The following SPTBN2 variants were observed in gnomAD, a reference collection of about 807,000 sequenced individuals.
SPTBN2 encodes spectrin beta chain, non-erythrocytic 2.
SPTBN2 carries 107 observed loss-of-function variants against 284.2 expected under a neutral mutation model. The observed-to-expected ratio is 0.38, with a 90% CI of 0.32 to 0.44. The LOEUF is 0.44. Ranked by LOEUF, SPTBN2 falls within the 20% of genes least tolerant of loss-of-function variation. The pLI is 1.00. For synonymous variants in SPTBN2, 1,289 were observed against 1,354.8 expected (o/e 0.95, Z 1.07); for missense variants, 2,569 against 3,287.1 (o/e 0.78, Z 5.34).
chr11:66,693,227 C>A lies in SPTBN2; in HGVS notation c.4813G>T (p.Gly1605Cys), dbSNP rs1285838836. The A allele has an allele frequency of 6.2e-7, 1 of 1,614,250 alleles. No individual in the cohort carries two copies. The highest frequency in any genetic ancestry group is 8.5e-7 in the Non-Finnish European group (1 of 1,180,054). ...RDAAEAEAWM[G>C]EQELHMMGQE... ...CCCATCATGTGTAATTCCTGCTCGC[C>A]CATCCAGGCCTCCGCCTCGGCGGCA... The change falls in exon 24 of 38, where the codon GGC becomes TGC. Residue 1605 changes from glycine (G) to cysteine (C), a missense_variant. Physicochemically the swap from Gly to Cys is radical, Grantham distance 159 (BLOSUM62 -3). This residue lies in a region of SPTBN2 where 1,130 missense variants were observed against 1,317.3 expected (regional missense o/e 0.86). Coordinates refer to ENST00000533211, the MANE Select transcript of SPTBN2 (RefSeq NM_006946.4). This position sits in a 1 kb window ranked among gnomAD's most constrained non-coding sequence, Gnocchi z 5.7.
In SPTBN2 at chr11:66,715,036, G is replaced by C. The variant is rs1459939397; in HGVS notation, c.483+186C>G. ...CAGGGGTGTGACATTCACCCAAGCT[G>C]GTTTCTACCCTGCTGAAAGAGGGGA... On this transcript the variant is annotated intron_variant, in intron 5 of 37. Coordinates refer to ENST00000533211, the MANE Select transcript of SPTBN2 (RefSeq NM_006946.4). This position sits in a 1 kb window ranked among gnomAD's most constrained non-coding sequence, Gnocchi z 5.3. Among the ~76,000 whole-genome samples, 2 of 152,202 alleles carry C rather than the reference G, an allele frequency of 1.3e-5. No homozygotes were observed. Among genetic ancestry groups the C allele is most frequent in the Non-Finnish European group, 1.5e-5 (1 of 68,046 alleles).
At chr11:66,713,246 T>C (rs879132741) in intron 8 of SPTBN2, among the ~76,000 whole-genome samples, 3 of 151,762 alleles carry the variant, frequency 2.0e-5, no homozygotes, top group Non-Finnish European at 4.4e-5. Flanking sequence ...TGAGAAATGA[T>C]TGTCACACCA....
chr11:66,730,952 T>C (rs977144372), upstream of SPTBN2, among the ~76,000 whole-genome samples: 14 of 152,108 alleles, frequency 9.2e-5, no homozygotes, highest in Non-Finnish European at 1.9e-4. Flanking sequence ...AGACAGGGAG[T>C]ATAGCAGAAT....
rs750308908 is a variant in SPTBN2 at position 66,701,617 on chromosome 11, C to T, written c.2783G>A (p.Arg928His). 27 of 1,613,990 alleles carry T rather than the reference C, an allele frequency of 1.7e-5. No individual in the cohort carries two copies. Among genetic ancestry groups the T allele is most frequent in the African/African-American group, 8.0e-5 (6 of 74,906 alleles). The change falls in exon 16 of 38, where the codon CGC (arginine) becomes CAC (histidine). Residue 928 changes from arginine to histidine, a missense_variant. Physicochemically the swap from Arg to His is conservative, Grantham distance 29. This residue lies in a region of SPTBN2 where 1,012 missense variants were observed against 1,248.9 expected (regional missense o/e 0.81). Coordinates refer to ENST00000533211, the MANE Select transcript of SPTBN2 (RefSeq NM_006946.4). Reference sequence around the variant, plus strand: ...GAGCTGCTCCTGGGTGTTGACAATGCGGTCTTTGCCTGGGGGGTTGGCCTT... The same window carrying T: ...GAGCTGCTCCTGGGTGTTGACAATGTGGTCTTTGCCTGGGGGGTTGGCCTT... ...LLKANPPGKD[R>H]IVNTQEQLNH...
rs376265380 is a variant in SPTBN2 at position 66,692,841 on chromosome 11, G to A, written c.4986-101C>T. The A allele has an allele frequency of 1.7e-4, 266 of 1,594,544 alleles. 2 individuals carry two copies. In the East Asian group the frequency reaches 2.0e-3, roughly 12 times the overall value. ...GTCCCTCTGAGTCTCCCAACAGCTCGCCCACCCTGTGTTCCAGCTTTCTAG... is the reference window on the plus strand; with the variant it reads ...GTCCCTCTGAGTCTCCCAACAGCTCACCCACCCTGTGTTCCAGCTTTCTAG... On this transcript the variant is annotated intron_variant, in intron 25 of 37. Coordinates refer to ENST00000533211, the MANE Select transcript of SPTBN2 (RefSeq NM_006946.4).
Position 66,721,448 on chromosome 11 carries a change from C to T in SPTBN2, c.-113-8G>A, listed in dbSNP as rs545271103. 23 of 654,478 alleles carry T rather than the reference C, an allele frequency of 3.5e-5. No homozygotes were observed. The highest frequency in any genetic ancestry group is 4.5e-5 in the Admixed American group (2 of 44,440). 40.5% of individuals were successfully genotyped at this position (654,478 alleles called of 1,614,324 possible). On this transcript the variant is annotated splice_region_variant and splice_polypyrimidine_tract_variant and intron_variant, in intron 1 of 37. Coordinates refer to ENST00000533211, the MANE Select transcript of SPTBN2 (RefSeq NM_006946.4). ...GGAAGCCACCTGGGAAGCCTGGGGA[C>T]GGGAATACATCAGAAGCACAGAAAG...
intron 8 of SPTBN2, among the ~76,000 whole-genome samples, chr11:66,711,880 T>A (rs952001307): frequency 6.6e-6 from 1 of 152,200 alleles, no homozygotes; most frequent in Non-Finnish European, 1.5e-5. Context: ...CTGACACTTG[T>A]CATTCTGCAG....
rs367684569 is a variant in SPTBN2 at position 66,692,785 on chromosome 11, C to T, written c.4986-45G>A. Reference sequence around the variant, plus strand: ...GGCACTGTGGGACTTAGGGGTGTAGCTCTGACCTCCGGTCTGTTCTGTGGA... The same window carrying T: ...GGCACTGTGGGACTTAGGGGTGTAGTTCTGACCTCCGGTCTGTTCTGTGGA... On this transcript the variant is annotated intron_variant, in intron 25 of 37. Transcript: ENST00000533211. 6.2e-4 allele frequency: 998 copies of T among 1,598,920 alleles called. 3 individuals are homozygous for T. The highest frequency in any genetic ancestry group is 8.0e-4 in the Non-Finnish European group (943 of 1,179,712).
At position 66,698,680 on chromosome 11, in the gene SPTBN2, C is replaced by G. The variant is rs750035387; in HGVS notation, c.3973G>C (p.Glu1325Gln). ...KWQKHQAFMA[E>Q]LAANKDWLDK... is the part of the protein sequence containing the mutation. Reference sequence around the variant, plus strand: ...AGCCAGTCTTTGTTGGCAGCCAGCTCGGCCATGAATGCCTGGTGCTTCTGC... The same window carrying G: ...AGCCAGTCTTTGTTGGCAGCCAGCTGGGCCATGAATGCCTGGTGCTTCTGC... The change falls in exon 20 of 38, where the codon GAG (glutamate) becomes CAG (glutamine). Residue 1325 changes from glutamate (E) to glutamine (Q), a missense_variant. This residue lies in a region of SPTBN2 where 24 missense variants were observed against 58.1 expected (regional missense o/e 0.41). Coordinates refer to ENST00000533211, the MANE Select transcript of SPTBN2 (RefSeq NM_006946.4). The G allele has an allele frequency of 6.2e-7, 1 of 1,614,258 alleles. No homozygotes were observed.
chr11:66,737,230 A>T (rs929722446), intron 1 of SPTBN2, among the ~76,000 whole-genome samples: 2 of 152,238 alleles, frequency 1.3e-5, no homozygotes, highest in Admixed American at 1.3e-4. Flanking sequence ...GATTATTTGC[A>T]TTACACAAGG....
chr11:66,703,736 CAAAA>C (rs920100846), intron 15 of SPTBN2, among the ~76,000 whole-genome samples: 1 of 140,678 alleles, frequency 7.1e-6, no homozygotes, highest in Admixed American at 7.1e-5. Context: ...GACTCCATCT[CAAAA>C]AAAAAAGAAA....
At chr11:66,697,832 C>T (rs1941008062) in intron 20 of SPTBN2, among the ~76,000 whole-genome samples, 1 of 152,140 alleles carries the variant, frequency 6.6e-6, no homozygotes, top group Non-Finnish European at 1.5e-5. Flanking sequence ...CCCTTTCGGA[C>T]CCCACGCAGG....
At chr11:66,732,462 A>G (rs543722342), upstream of SPTBN2, among the ~76,000 whole-genome samples, 1 of 152,092 alleles carries the variant, frequency 6.6e-6, no homozygotes, top group South Asian at 2.1e-4. Flanking sequence ...ATCCTGGCTA[A>G]CACAGTGAAA....
chr11:66,706,878 T>A (rs1941590907), intron 13 of SPTBN2, among the ~76,000 whole-genome samples: 1 of 152,220 alleles, frequency 6.6e-6, no homozygotes, highest in Non-Finnish European at 1.5e-5. Context: ...GTGATCTGCC[T>A]GCCTTGGCCT....
chr11:66,699,862 T>G (rs1230404439), intron 17 of SPTBN2, among the ~76,000 whole-genome samples: 1 of 152,218 alleles, frequency 6.6e-6, no homozygotes, highest in African/African-American at 2.4e-5. Context: ...CTGATTCCAT[T>G]TAACAGTTAC....
chr11:66,720,275 G>A (rs1942334241), intron 3 of SPTBN2, among the ~76,000 whole-genome samples: 1 of 152,134 alleles, frequency 6.6e-6, no homozygotes, highest in African/African-American at 2.4e-5. Context: ...GGTTGGGCTG[G>A]GCTGGGCAGC....
intron 31 of SPTBN2, 62 bp from the exon 32 acceptor site, chr11:66,688,373 G>A (rs1205896394): frequency 1.9e-6 from 3 of 1,547,148 alleles, no homozygotes; most frequent in Non-Finnish European, 2.6e-6. Context: ...AGGGAAACAG[G>A]GAGAGCTGAA....
Position 66,689,283 on chromosome 11 carries a change from C to A in SPTBN2, c.5950-103G>T. Reference sequence around the variant, plus strand: ...GGACAGGTGATTTCTTTCTTTCTTTCTTTTTTTTGAGACGGAGTTTCGCTC... The same window carrying A: ...GGACAGGTGATTTCTTTCTTTCTTTATTTTTTTTGAGACGGAGTTTCGCTC... On this transcript the variant is annotated intron_variant, in intron 29 of 37. Coordinates refer to ENST00000533211, the MANE Select transcript of SPTBN2 (RefSeq NM_006946.4). 2.7e-6 allele frequency: 3 copies of A among 1,107,638 alleles called. No individual in the cohort carries two copies. In the East Asian group the frequency reaches 7.8e-5, roughly 29 times the overall value. 68.6% of individuals were successfully genotyped at this position (1,107,638 alleles called of 1,614,324 possible).
At chr11:66,714,990 C>A (rs1353601066) in intron 5 of SPTBN2, among the ~76,000 whole-genome samples, 2 of 152,210 alleles carry the variant, frequency 1.3e-5, no homozygotes, top group Non-Finnish European at 2.9e-5. Context: ...ACACACAGAC[C>A]AGAACACAGG....
Sources: gnomAD v4.1 joint callset for allele counts (sites outside exome capture counted in the v4.1 genomes callset) on GRCh38, gnomAD v4.1.1 for gene constraint, gnomAD v4.1.1 regional missense constraint, Gnocchi (gnomAD v3.1) non-coding constraint, MANE v1.5 for transcripts, NCBI Gene and HGNC (gene_info 2026-07-23, HGNC 2026-07-21) for gene names.